Variants in FHIT observed in about 807,000 individuals in gnomAD.
FHIT encodes fragile histidine triad diadenosine triphosphatase.
A neutral mutation model predicts 17.9 loss-of-function variants in FHIT; 19 were observed. That is an observed-to-expected ratio of 1.06 (90% confidence interval 0.74 to 1.56). FHIT has a LOEUF of 1.56. FHIT is among the 40% of genes most tolerant of loss of function. The probability of loss-of-function intolerance (pLI) is 0.00; values close to 1 mark genes in which losing one functional copy is unlikely to be tolerated. For synonymous variants in FHIT, 81 were observed against 69.7 expected (o/e 1.16, Z -0.81); for missense variants, 248 against 189.2 (o/e 1.31, Z -1.82).
chr3:60,900,680 G>T (rs1553762965), intron 3 of FHIT, among the ~76,000 whole-genome samples: 1 of 152,012 alleles, frequency 6.6e-6, no homozygotes, highest in Non-Finnish European at 1.5e-5. Context: ...TGGAAAGTAG[G>T]TATATTAAAA....
chr3:61,173,167 T>G (rs141084492), intron 2 of FHIT, among the ~76,000 whole-genome samples: 3 of 152,212 alleles, frequency 2.0e-5, no homozygotes, highest in Non-Finnish European at 2.9e-5. Flanking sequence ...AAAATACATG[T>G]GCAGCTAGAT....
intron 1 of FHIT, among the ~76,000 whole-genome samples, chr3:61,210,782 G>C (rs1044418595): frequency 6.6e-6 from 1 of 151,726 alleles, no homozygotes; most frequent in African/African-American, 2.4e-5. Flanking sequence ...GCCCTGCTTC[G>C]GCTCACACAC....
At chr3:60,356,804 A>T (rs1559848477) in intron 5 of FHIT, among the ~76,000 whole-genome samples, 1 of 149,108 alleles carries the variant, frequency 6.7e-6, no homozygotes, top group Non-Finnish European at 1.5e-5. Context: ...AAATTGTATG[A>T]ATCAGAAACT....
chr3:59,766,120 T>C (rs1256371529), intron 8 of FHIT, among the ~76,000 whole-genome samples: 1 of 152,214 alleles, frequency 6.6e-6, no homozygotes, highest in African/African-American at 2.4e-5. Context: ...GGGACTATCA[T>C]ACTGTTAGAT....
Position 60,135,788 on chromosome 3 carries a change from T to G in FHIT, c.104-121636A>C, listed in dbSNP as rs557943894. 3.1e-4 allele frequency among the ~76,000 whole-genome samples: 47 copies of G among 152,256 alleles called. No homozygotes were observed. In the South Asian group the frequency reaches 9.3e-3, roughly 30 times the overall value. ...AAATCAAAATGCTGATCTTCTCACA[T>G]GCTGATTACAGACACTTCCATTATC... On this transcript the variant is annotated intron_variant, in intron 5 of 9. Coordinates refer to ENST00000492590, the MANE Select transcript of FHIT (RefSeq NM_002012.4).
At chr3:61,174,860 A>G (rs2038111108) in intron 2 of FHIT, among the ~76,000 whole-genome samples, 1 of 152,220 alleles carries the variant, frequency 6.6e-6, no homozygotes, top group African/African-American at 2.4e-5. Flanking sequence ...TGAGGGTACC[A>G]TTATCCAAAC....
intron 4 of FHIT, among the ~76,000 whole-genome samples, chr3:60,588,437 G>C (rs1232780260): frequency 6.6e-6 from 1 of 151,448 alleles, no homozygotes; most frequent in Non-Finnish European, 1.5e-5. Flanking sequence ...ATAAAGAGGG[G>C]AAGGAGAAAG....
rs774570689 is a variant in FHIT at position 60,291,399 on chromosome 3, C to T, written c.103+245461G>A. On this transcript the variant is annotated intron_variant, in intron 5 of 9. Transcript: ENST00000492590. ...ACCCTAATCTTTTATTATGCTGTCA[C>T]GTCCTCTATCTGAGCTGTGCCATGT... Among the ~76,000 whole-genome samples, 123 of 152,088 alleles carry T rather than the reference C, an allele frequency of 8.1e-4. 2 individuals carry two copies. The highest frequency in any genetic ancestry group is 1.3e-3 in the African/African-American group (55 of 41,550).
At chr3:60,406,487 G>A (rs895286579) in intron 5 of FHIT, among the ~76,000 whole-genome samples, 4 of 152,188 alleles carry the variant, frequency 2.6e-5, no homozygotes, top group Non-Finnish European at 5.9e-5. Flanking sequence ...GCAGGAAAGC[G>A]AAAGAGACAC....
intron 5 of FHIT, among the ~76,000 whole-genome samples, chr3:60,425,409 C>G (rs145260033): frequency 6.6e-6 from 1 of 152,148 alleles, no homozygotes; most frequent in Admixed American, 6.6e-5. Flanking sequence ...GATTCTCTCC[C>G]ACCCTGGGCC....
intron 5 of FHIT, among the ~76,000 whole-genome samples, chr3:60,066,066 T>A (rs1347121718): frequency 1.3e-5 from 2 of 152,180 alleles, no homozygotes; most frequent in African/African-American, 4.8e-5. Flanking sequence ...TTCTGTTACA[T>A]GCAGCTGAAC....
chr3:60,638,100 G>A (rs1475608861), intron 4 of FHIT, among the ~76,000 whole-genome samples: 1 of 152,006 alleles, frequency 6.6e-6, no homozygotes, highest in East Asian at 1.9e-4. Context: ...AAAAATCAAT[G>A]GTCACCCTTA....
chr3:60,023,467 C>T (rs1191892914), intron 5 of FHIT, among the ~76,000 whole-genome samples: 8 of 152,272 alleles, frequency 5.3e-5, no homozygotes. Flanking sequence ...CCAGTGCAAG[C>T]TCTATCAGGT....
chr3:60,283,573 G>A (rs911090256), intron 5 of FHIT, among the ~76,000 whole-genome samples: 1 of 151,882 alleles, frequency 6.6e-6, no homozygotes, highest in Non-Finnish European at 1.5e-5. Flanking sequence ...GATCCACTAG[G>A]GATACGGTCT....
chr3:60,043,729 C>T (rs1391951177), intron 5 of FHIT, among the ~76,000 whole-genome samples: 1 of 152,136 alleles, frequency 6.6e-6, no homozygotes, highest in Non-Finnish European at 1.5e-5. Flanking sequence ...ATGACTAATG[C>T]AATAAACCTC....
intron 4 of FHIT, among the ~76,000 whole-genome samples, chr3:60,734,266 T>C (rs2042091122): frequency 6.6e-6 from 1 of 152,228 alleles, no homozygotes; most frequent in South Asian, 2.1e-4. Context: ...GTCCATCTTG[T>C]TTATTTCTAT....
chr3:60,278,738 G>C (rs1035063389), intron 5 of FHIT, among the ~76,000 whole-genome samples: 3 of 151,668 alleles, frequency 2.0e-5, no homozygotes, highest in Admixed American at 2.0e-4. Context: ...AAAATTCTTA[G>C]TTCCCATCAC....
chr3:60,065,005 C>A (rs76358633), intron 5 of FHIT, among the ~76,000 whole-genome samples: 1 of 152,142 alleles, frequency 6.6e-6, no homozygotes, highest in Middle Eastern at 3.2e-3. Context: ...ATAAACACAG[C>A]TGGCCTCAAA....
chr3:59,998,758 T>G (rs972203420), intron 7 of FHIT, among the ~76,000 whole-genome samples: 1 of 152,118 alleles, frequency 6.6e-6, no homozygotes, highest in African/African-American at 2.4e-5. Context: ...AATACCTTCC[T>G]GTCCCCTTCC....
Sources: gnomAD v4.1 joint callset for allele counts (sites outside exome capture counted in the v4.1 genomes callset) on GRCh38, gnomAD v4.1.1 for gene constraint, MANE v1.5 for transcripts, NCBI Gene and HGNC (gene_info 2026-07-23, HGNC 2026-07-21) for gene names.